Variants in PTPN2 observed in about 807,000 individuals in gnomAD.
The protein encoded by PTPN2 is tyrosine-protein phosphatase non-receptor type 2.
PTPN2 carries 19 observed loss-of-function variants against 57.3 expected under a neutral mutation model. That is an observed-to-expected ratio of 0.33 (90% CI 0.23 to 0.49). The LOEUF (loss-of-function observed/expected upper bound fraction) is 0.49. PTPN2 is among the 20% of genes least tolerant of loss of function. The pLI is 0.99. For missense variants in PTPN2, 358 were observed against 501.1 expected (o/e 0.71, Z 2.73); for synonymous variants, 153 against 164.9 (o/e 0.93, Z 0.55).
intron 2 of PTPN2, among the ~76,000 whole-genome samples, chr18:12,853,633 T>C (rs1171836925): frequency 2.0e-5 from 3 of 152,086 alleles, no homozygotes; most frequent in East Asian, 1.9e-4. Flanking sequence ...AGAACTTTGA[T>C]TGAGATGGGT....
chr18:12,859,681 A>C (rs1255056894), intron 1 of PTPN2, among the ~76,000 whole-genome samples: 1 of 152,208 alleles, frequency 6.6e-6, no homozygotes, highest in Non-Finnish European at 1.5e-5. Context: ...TCAAATTCTG[A>C]CTAAAACTCA....
intron 9 of PTPN2, chr18:12,786,849 A>T (rs547541575): frequency 6.6e-6 from 1 of 152,320 alleles, no homozygotes; most frequent in South Asian, 2.1e-4. Context: ...TGATTATCCA[A>T]CAGTGACGGA....
intron 8 of PTPN2, among the ~76,000 whole-genome samples, chr18:12,794,769 G>A (rs1828041996): frequency 6.6e-6 from 1 of 152,106 alleles, no homozygotes; most frequent in Non-Finnish European, 1.5e-5. Context: ...CTGCAGGCGT[G>A]CACCACTATG....
Position 12,870,805 on chromosome 18 carries a change from G to A in PTPN2, c.70-11551C>T, listed in dbSNP as rs978693610. 5.3e-5 allele frequency among the ~76,000 whole-genome samples: 8 copies of A among 151,692 alleles called. No homozygotes were observed. The East Asian group carries it at 9.7e-4, about 18-fold the overall frequency. ...ATTACAGGAGTGAGCCACCGCGCCC[G>A]GCAGCACATACATATTTTTTTACTT... On this transcript the variant is annotated intron_variant, in intron 1 of 8. Transcript: ENST00000309660.
chr18:12,855,907 G>A (rs1029135665), intron 2 of PTPN2, among the ~76,000 whole-genome samples: 3 of 152,116 alleles, frequency 2.0e-5, no homozygotes, highest in African/African-American at 4.8e-5. Flanking sequence ...TTTTTTAATC[G>A]AAATTTCAAT....
chr18:12,791,519 T>C (rs2040982244), downstream of PTPN2, among the ~76,000 whole-genome samples: 2 of 152,150 alleles, frequency 1.3e-5, no homozygotes, highest in African/African-American at 4.8e-5. Context: ...GCCACGTCTG[T>C]CTCTTTGACC....
intron 8 of PTPN2, among the ~76,000 whole-genome samples, chr18:12,796,907 T>TCA (rs2041211104): frequency 1.3e-5 from 2 of 152,234 alleles, no homozygotes; most frequent in Non-Finnish European, 2.9e-5. Flanking sequence ...TTTATCTTCA[T>TCA]CACATATTCT....
chr18:12,825,155 C>T lies in PTPN2; in HGVS notation c.495+655G>A, dbSNP rs1031947959. 6.9e-4 allele frequency among the ~76,000 whole-genome samples: 105 copies of T among 152,200 alleles called. 1 individual carries two copies. Among genetic ancestry groups the T allele is most frequent in the African/African-American group, 2.5e-3 (103 of 41,516 alleles). ...AAGTAAATGTTCTTGAGACCACATGCCACATTTATACATGTGTGTGTATGT... is the reference window on the plus strand; with the variant it reads ...AAGTAAATGTTCTTGAGACCACATGTCACATTTATACATGTGTGTGTATGT... On this transcript the variant is annotated intron_variant, in intron 5 of 8. Transcript: ENST00000309660.
At chr18:12,841,937 G>C (rs1015490575) in intron 2 of PTPN2, among the ~76,000 whole-genome samples, 1 of 145,228 alleles carries the variant, frequency 6.9e-6, no homozygotes, top group African/African-American at 2.6e-5. Context: ...ATGGAGTTTC[G>C]CTCTTGTTGC....
At chr18:12,823,354 TTCAAAAGGACTTATCCCCATG>T (rs1428639153) in intron 5 of PTPN2, among the ~76,000 whole-genome samples, 1 of 152,102 alleles carries the variant, frequency 6.6e-6, no homozygotes, top group Non-Finnish European at 1.5e-5. Flanking sequence ...TTAGCATCTT[TTCAAAAGGACTTATCCCCATG>T]TCAAAAGTTA....
intron 7 of PTPN2, among the ~76,000 whole-genome samples, chr18:12,808,922 A>G (rs1208349632): frequency 1.3e-5 from 2 of 152,240 alleles, no homozygotes; most frequent in Non-Finnish European, 2.9e-5. Context: ...GGTATGTAAC[A>G]CTGGAGTAGT....
intron 2 of PTPN2, among the ~76,000 whole-genome samples, chr18:12,855,745 A>G (rs190323439): frequency 1.1e-4 from 17 of 152,322 alleles, no homozygotes; most frequent in African/African-American, 4.1e-4. Flanking sequence ...TCATTTGCCC[A>G]AAGTGCAGAG....
At chr18:12,789,909 G>A (rs986102612), downstream of PTPN2, among the ~76,000 whole-genome samples, 37 of 151,724 alleles carry the variant, frequency 2.4e-4, no homozygotes, top group Admixed American at 2.4e-3. Flanking sequence ...TATGTATTAT[G>A]AGAGACAGAG....
At chr18:12,845,707 C>T (rs2043184207) in intron 2 of PTPN2, among the ~76,000 whole-genome samples, 1 of 152,060 alleles carries the variant, frequency 6.6e-6, no homozygotes, top group African/African-American at 2.4e-5. Context: ...GGATTCAGTA[C>T]CTCAAGTTTA....
intron 2 of PTPN2, among the ~76,000 whole-genome samples, chr18:12,842,146 T>A (rs1385589243): frequency 1.3e-5 from 2 of 152,158 alleles, no homozygotes; most frequent in Non-Finnish European, 2.9e-5. Flanking sequence ...CCTCAGGTGA[T>A]CCACCTGCCT....
intron 5 of PTPN2, among the ~76,000 whole-genome samples, chr18:12,824,368 A>G (rs748968046): frequency 5.9e-5 from 9 of 152,166 alleles, no homozygotes; most frequent in Non-Finnish European, 1.3e-4. Flanking sequence ...TGCTTACTCA[A>G]TGCAGCAAAA....
chr18:12,853,075 T>C (rs2145450162), intron 2 of PTPN2, among the ~76,000 whole-genome samples: 1 of 152,368 alleles, frequency 6.6e-6, no homozygotes, highest in African/African-American at 2.4e-5. Flanking sequence ...CATAGCATAG[T>C]ATCAAACATG....
At chr18:12,869,824 A>G (rs1027430496) in intron 1 of PTPN2, among the ~76,000 whole-genome samples, 2 of 152,150 alleles carry the variant, frequency 1.3e-5, no homozygotes, top group African/African-American at 4.8e-5. Flanking sequence ...ATCCTAAATT[A>G]TATGATGAAA....
At chr18:12,795,823 C>A (rs79770587) in intron 8 of PTPN2, among the ~76,000 whole-genome samples, 1 of 152,136 alleles carries the variant, frequency 6.6e-6, no homozygotes, top group East Asian at 1.9e-4. Flanking sequence ...TCCCTCTTTT[C>A]ACTTTTCTGT....
Sources: gnomAD v4.1 joint callset for allele counts (sites outside exome capture counted in the v4.1 genomes callset) on GRCh38, gnomAD v4.1.1 for gene constraint, MANE v1.5 for transcripts, NCBI Gene and HGNC (gene_info 2026-07-23, HGNC 2026-07-21) for gene names.